The following USP47 variants were observed in gnomAD, a reference collection of about 807,000 sequenced individuals.
USP47 encodes ubiquitin specific peptidase 47.
Under a neutral mutation model 165.1 loss-of-function variants are expected in USP47, and 35 were observed. That is an observed-to-expected ratio of 0.21 (90% CI 0.16 to 0.28). The LOEUF is 0.28. USP47 is among the 10% of genes least tolerant of loss of function. The pLI, the probability that USP47 is intolerant of heterozygous loss-of-function variation, is 1.00. For synonymous variants in USP47, 531 were observed against 544.5 expected (o/e 0.98, Z 0.35); for missense variants, 1,277 against 1,607.4 (o/e 0.79, Z 3.52).
In USP47 at chr11:11,898,250, T is replaced by C. The variant is rs375981195; in HGVS notation, c.593+557T>C. ...CCCTGAAGTCAGACATTTATTTTTA[T>C]GAATATCCTATTATGACACATTTAA... On this transcript the variant is annotated intron_variant, in intron 5 of 27. Coordinates refer to ENST00000527733, the MANE Select transcript of USP47 (RefSeq NM_001282659.2). Among the ~76,000 whole-genome samples, 7 of 152,148 alleles carry C rather than the reference T, an allele frequency of 4.6e-5. No individual in the cohort carries two copies. In the East Asian group the frequency reaches 7.7e-4, roughly 17 times the overall value.
At chr11:11,936,760 G>GT (rs1855102294) in intron 17 of USP47, among the ~76,000 whole-genome samples, 1 of 151,904 alleles carries the variant, frequency 6.6e-6, no homozygotes, top group South Asian at 2.1e-4. Flanking sequence ...TCTTCAGTGG[G>GT]TTTTTTCTTC....
chr11:11,944,810 G>C (rs1564891960), intron 20 of USP47, among the ~76,000 whole-genome samples: 2 of 152,164 alleles, frequency 1.3e-5, no homozygotes, highest in African/African-American at 4.8e-5. Context: ...AAAATTAAAA[G>C]TAGTTCCTCT....
At chr11:11,866,717 A>C (rs1364011236) in intron 1 of USP47, among the ~76,000 whole-genome samples, 27 of 152,064 alleles carry the variant, frequency 1.8e-4, no homozygotes, top group Non-Finnish European at 2.9e-5. Context: ...TTCCTGATAG[A>C]TATTTTTGCT....
At chr11:11,955,843 C>T (rs1317351865) in intron 27 of USP47, among the ~76,000 whole-genome samples, 158 bp from the exon 28 acceptor site, 1 of 152,218 alleles carries the variant, frequency 6.6e-6, no homozygotes, top group Admixed American at 6.5e-5. Context: ...CTGTGATTAA[C>T]ACCTTAGAAA....
intron 25 of USP47, 65 bp from the exon 26 acceptor site, chr11:11,954,832 G>T: frequency 6.4e-7 from 1 of 1,561,984 alleles, no homozygotes; most frequent in Non-Finnish European, 8.7e-7. Context: ...GGGGTAAAAG[G>T]AAAATAACTT....
intron 15 of USP47, 105 bp from the exon 16 acceptor site, chr11:11,933,726 T>C (rs1854846176): frequency 1.4e-6 from 1 of 736,136 alleles, no homozygotes; most frequent in African/African-American, 1.8e-5. Context: ...TCAATTATGT[T>C]CTTTTAAAAA....
chr11:11,930,690 T>C lies in USP47; in HGVS notation c.1596-6T>C. ...TCCTTATTAATCTTTTTTATGTTTC[T>C]ACTAGTTCCACAAATGCATATATGC... On this transcript the variant is annotated splice_region_variant and splice_polypyrimidine_tract_variant and intron_variant, in intron 13 of 27. Transcript: ENST00000527733. 6 of 1,598,190 alleles carry C rather than the reference T, an allele frequency of 3.8e-6. No individual in the cohort carries two copies. The highest frequency in any genetic ancestry group is 4.3e-6 in the Non-Finnish European group (5 of 1,173,422).
chr11:11,923,005 T>A, intron 11 of USP47, 114 bp downstream of exon 11: 1 of 758,484 alleles, frequency 1.3e-6, no homozygotes, highest in Non-Finnish European at 1.9e-6. Flanking sequence ...ACTTAATTTT[T>A]GAAAGTTAAG....
At chr11:11,849,314 A>T (rs1271604136) in intron 1 of USP47, among the ~76,000 whole-genome samples, 1 of 152,152 alleles carries the variant, frequency 6.6e-6, no homozygotes, top group Non-Finnish European at 1.5e-5. Flanking sequence ...ATACTTATTA[A>T]ATTAGCCAAG....
chr11:11,929,946 A>AT, intron 12 of USP47, 98 bp from the exon 13 acceptor site: 1 of 978,810 alleles, frequency 1.0e-6, no homozygotes, highest in South Asian at 1.5e-5. Flanking sequence ...AAGGTCTTTG[A>AT]TAGCATTTAA....
chr11:11,895,094 A>G (rs111283488), intron 4 of USP47, among the ~76,000 whole-genome samples: 5,303 of 152,216 alleles, frequency 0.035, 296 homozygotes, highest in African/African-American at 0.12. Context: ...GTAATTATTA[A>G]TATTGCTGAT....
In USP47 at chr11:11,877,805, CTGTGTGTGTGTGTGTG is replaced by C. The variant is rs10577564; in HGVS notation, c.40-2333_40-2318del. ...TCTCTCTCTTTCTCTCTCTCTCTCT[CTGTGTGTGTGTGTGTG>C]TGTGTGTGTGTGTGTGTGTGTGTGT... On this transcript the variant is annotated intron_variant, in intron 1 of 27. Coordinates refer to ENST00000527733, the MANE Select transcript of USP47 (RefSeq NM_001282659.2). Among the ~76,000 whole-genome samples the C allele has an allele frequency of 3.8e-3, 273 of 71,144 alleles. 2 individuals carry two copies. Among genetic ancestry groups the C allele is most frequent in the South Asian group, 7.3e-3 (13 of 1,778 alleles). The allele number at this position is 71,144 out of a possible 152,430, so 46.7% of individuals were successfully genotyped here.
chr11:11,876,274 A>T (rs1850411734), intron 1 of USP47, among the ~76,000 whole-genome samples: 1 of 152,180 alleles, frequency 6.6e-6, no homozygotes, highest in East Asian at 1.9e-4. Flanking sequence ...TTGACTAAAA[A>T]TTTTTGCTCC....
rs868399318 is a variant in USP47, at chr11:11,929,427, C to T, written c.1387-7C>T. On this transcript the variant is annotated splice_polypyrimidine_tract_variant and splice_region_variant and intron_variant, in intron 11 of 27. Coordinates refer to ENST00000527733, the MANE Select transcript of USP47 (RefSeq NM_001282659.2). ...TCCTCTGAGTTACTTTTATTTTTTCCCCTTAGAATTCCTTGATCTATGAAC... is the reference window on the plus strand; with the variant it reads ...TCCTCTGAGTTACTTTTATTTTTTCTCCTTAGAATTCCTTGATCTATGAAC... 2.5e-6 allele frequency: 4 copies of T among 1,606,918 alleles called. No individual in the cohort carries two copies. The highest frequency in any genetic ancestry group is 2.2e-5 in the South Asian group (2 of 89,776).
chr11:11,947,502 T>C (rs1390248437), intron 20 of USP47, among the ~76,000 whole-genome samples: 1 of 152,218 alleles, frequency 6.6e-6, no homozygotes, highest in Non-Finnish European at 1.5e-5. Flanking sequence ...TGAAGTCACA[T>C]TGCAACACTC....
intron 22 of USP47, 89 bp downstream of exon 22, chr11:11,948,647 T>C (rs1590455569): frequency 7.5e-7 from 1 of 1,339,458 alleles, no homozygotes; most frequent in East Asian, 2.5e-5. Flanking sequence ...ATTTTATTTC[T>C]CTGAAGCAAA....
intron 2 of USP47, among the ~76,000 whole-genome samples, chr11:11,884,102 A>G (rs1028742729): frequency 6.6e-6 from 1 of 152,102 alleles, no homozygotes; most frequent in Non-Finnish European, 1.5e-5. Flanking sequence ...TCTTTGGTCA[A>G]TTTTCTTGAA....
chr11:11,892,446 A>G (rs1851591270), intron 4 of USP47, among the ~76,000 whole-genome samples: 1 of 135,546 alleles, frequency 7.4e-6, no homozygotes, highest in Non-Finnish European at 1.5e-5. Flanking sequence ...CAGAAGCTTG[A>G]TAATGGCTCA....
chr11:11,950,688 C>T (rs1412040679), intron 24 of USP47, among the ~76,000 whole-genome samples: 1 of 152,088 alleles, frequency 6.6e-6, no homozygotes, highest in African/African-American at 2.4e-5. Context: ...TTTTCTTCCC[C>T]TGTGTCCTAA....
Sources: allele counts gnomAD v4.1 joint callset (sites outside exome capture counted in the v4.1 genomes callset), GRCh38; gene constraint gnomAD v4.1.1; transcripts MANE v1.5; gene names NCBI Gene and HGNC (gene_info 2026-07-23, HGNC 2026-07-21).